COL4A2: variants seen among roughly 807,000 people sequenced by gnomAD.
COL4A2 encodes the protein collagen alpha-2(IV) chain.
In COL4A2, 99 loss-of-function variants were observed where a neutral mutation model predicts 200.2. The observed-to-expected ratio is 0.49, with a 90% CI of 0.42 to 0.58. The LOEUF (loss-of-function observed/expected upper bound fraction) is 0.58. COL4A2 is among the 20% of genes least tolerant of loss of function. COL4A2 has a pLI of 0.00. For synonymous variants in COL4A2, 897 were observed against 900.6 expected, an observed-to-expected ratio of 1.00 and a Z score of 0.07; for missense variants, 1,950 against 2,314.1, an observed-to-expected ratio of 0.84 and a Z score of 3.23.
At chr13:110,504,888 G>A (rs564077464) in intron 45 of COL4A2, among the ~76,000 whole-genome samples, 94 of 152,014 alleles carry the variant, frequency 6.2e-4, no homozygotes, top group African/African-American at 2.1e-3. Context: ...GATTACAGGT[G>A]TAAGTCACCG....
At chr13:110,367,559 T>G (rs1161787828) in intron 4 of COL4A2, among the ~76,000 whole-genome samples, 1 of 152,248 alleles carries the variant, frequency 6.6e-6, no homozygotes, top group African/African-American at 2.4e-5. Flanking sequence ...TGTAAAAGTC[T>G]TATGAAAATG....
intron 20 of COL4A2, among the ~76,000 whole-genome samples, chr13:110,455,138 G>T (rs7326335): frequency 0.22 from 33,783 of 152,000 alleles, 4,105 homozygotes; most frequent in Middle Eastern, 0.39. Flanking sequence ...TCCCTCTCCA[G>T]CCTGTCGTCC....
At position 110,489,790 on chromosome 13, in the gene COL4A2, G is replaced by A. The variant is rs373295648; in HGVS notation, c.3346+5G>A. ...GGGGCACCACTGGAATACCAGGTAC[G>A]CAAGTTATTTTCCTTGTCTTCATCT... On this transcript the variant is annotated splice_donor_5th_base_variant and intron_variant, in intron 36 of 47. Coordinates refer to ENST00000360467, the MANE Select transcript of COL4A2 (RefSeq NM_001846.4). 2.4e-5 allele frequency: 39 copies of A among 1,603,944 alleles called. No homozygotes were observed. The African/African-American group carries it at 3.9e-4, about 16-fold the overall frequency.
chr13:110,393,744 TGGCACACACC>T (rs1220959737), intron 4 of COL4A2, among the ~76,000 whole-genome samples: 1 of 152,056 alleles, frequency 6.6e-6, no homozygotes, highest in African/African-American at 2.4e-5. Context: ...ACGGGCGTGG[TGGCACACACC>T]TATAATCCCG....
chr13:110,484,910 C>A lies in COL4A2; in HGVS notation c.2908C>A (p.Arg970=), dbSNP rs758156725. ...AGCACTCTATTCCCTTCCAGGCAGC[C>A]GAGGGGACCCTGGGCCCCCAGGACC... ...LAGEPGFKGS[R]GDPGPPGPPP... The change falls in exon 33 of 48, where the codon CGA becomes AGA. Residue 970 remains arginine, a synonymous_variant. Coordinates refer to ENST00000360467, the MANE Select transcript of COL4A2 (RefSeq NM_001846.4). The A allele has an allele frequency of 6.2e-7, 1 of 1,610,134 alleles. No individual in the cohort carries two copies. The highest frequency in any genetic ancestry group is 8.5e-7 in the Non-Finnish European group (1 of 1,177,628).
At chr13:110,404,052 C>T (rs1379830048) in intron 4 of COL4A2, among the ~76,000 whole-genome samples, 2 of 152,124 alleles carry the variant, frequency 1.3e-5, no homozygotes, top group African/African-American at 4.8e-5. Context: ...GGCTGTACCC[C>T]CAGGACCTAC....
chr13:110,404,844 A>G (rs1359763309), intron 4 of COL4A2, among the ~76,000 whole-genome samples: 1 of 152,202 alleles, frequency 6.6e-6, no homozygotes, highest in Non-Finnish European at 1.5e-5. Context: ...TTCTAAAATG[A>G]GTTGGGGCTG....
At chr13:110,331,332 A>G (rs552073039) in intron 3 of COL4A2, among the ~76,000 whole-genome samples, 117 of 152,344 alleles carry the variant, frequency 7.7e-4, no homozygotes, top group African/African-American at 2.7e-3. Flanking sequence ...ATTTTTCTGC[A>G]GTAGTTTTCC....
chr13:110,392,740 C>G (rs1225173352), intron 4 of COL4A2, among the ~76,000 whole-genome samples: 2 of 152,200 alleles, frequency 1.3e-5, no homozygotes, highest in Non-Finnish European at 2.9e-5. Flanking sequence ...TTGGCCATTT[C>G]CTGCTCTGGA....
chr13:110,394,301 C>A (rs1285827362), intron 4 of COL4A2, among the ~76,000 whole-genome samples: 1 of 152,262 alleles, frequency 6.6e-6, no homozygotes, highest in East Asian at 1.9e-4. Context: ...TATTTTCCCC[C>A]TTTAACATGA....
At chr13:110,505,176 C>A (rs372285400) in intron 45 of COL4A2, among the ~76,000 whole-genome samples, 4 of 151,236 alleles carry the variant, frequency 2.6e-5, no homozygotes, top group Non-Finnish European at 4.4e-5. Flanking sequence ...CGGTGAAACC[C>A]CGTCTCTACT....
intron 40 of COL4A2, among the ~76,000 whole-genome samples, chr13:110,499,683 T>C (rs1158020171): frequency 6.6e-5 from 10 of 152,232 alleles, no homozygotes; most frequent in Admixed American, 5.9e-4. Flanking sequence ...AGTGAGACTC[T>C]TTTATGTCAG....
chr13:110,351,614 G>A (rs1226178846), intron 3 of COL4A2, among the ~76,000 whole-genome samples: 1 of 152,174 alleles, frequency 6.6e-6, no homozygotes, highest in African/African-American at 2.4e-5. Flanking sequence ...CAACACTAAA[G>A]ATGTCAAGAG....
At position 110,388,286 on chromosome 13, in the gene COL4A2, A is replaced by G. The variant is rs560470392; in HGVS notation, c.180+30734A>G. Among the ~76,000 whole-genome samples, 26 of 152,310 alleles carry G rather than the reference A, an allele frequency of 1.7e-4. No homozygotes were observed. The South Asian group carries it at 5.4e-3, about 32-fold the overall frequency. On this transcript the variant is annotated intron_variant, in intron 4 of 47. Transcript: ENST00000360467. ...CAGCCGCAGCCAGGCAGCTGCCGGC[A>G]CCTTGGGAGGCACTGGGAGCACGCT...
Position 110,511,962 on chromosome 13 carries a change from G to A in COL4A2, c.4910G>A (p.Gly1637Asp). ...MHTAAGDEGG[G>D]QSLVSPGSCL... ...ACGGCGGCGGGAGACGAAGGCGGTGGCCAATCACTGGTGTCACCGGGCAGC... is the reference window on the plus strand; with the variant it reads ...ACGGCGGCGGGAGACGAAGGCGGTGACCAATCACTGGTGTCACCGGGCAGC... The change falls in exon 48 of 48, where the codon GGC (glycine) becomes GAC (aspartate). Residue 1637 changes from glycine to aspartate, a missense_variant. Physicochemically the swap from Gly to Asp is moderately conservative, Grantham distance 94. This residue lies in a region of COL4A2 where 1,385 missense variants were observed against 1,720.5 expected (regional missense o/e 0.80). Coordinates refer to ENST00000360467, the MANE Select transcript of COL4A2 (RefSeq NM_001846.4). 1 of 1,613,528 alleles carries A rather than the reference G, an allele frequency of 6.2e-7. No homozygotes were observed. The highest frequency in any genetic ancestry group is 8.5e-7 in the Non-Finnish European group (1 of 1,180,038).
At chr13:110,354,873 G>A (rs1165253341) in intron 3 of COL4A2, among the ~76,000 whole-genome samples, 1 of 152,188 alleles carries the variant, frequency 6.6e-6, no homozygotes, top group African/African-American at 2.4e-5. Flanking sequence ...GGACTATCTG[G>A]AAGACCCTGC....
At chr13:110,341,721 T>C (rs1467186264) in intron 3 of COL4A2, among the ~76,000 whole-genome samples, 2 of 152,128 alleles carry the variant, frequency 1.3e-5, no homozygotes, top group Non-Finnish European at 2.9e-5. Context: ...CATCTGGAGG[T>C]GTTTCTGCTT....
chr13:110,430,801 G>T, intron 10 of COL4A2, 194 bp downstream of exon 10: 3 of 875,296 alleles, frequency 3.4e-6, no homozygotes, highest in Non-Finnish European at 3.8e-6. Flanking sequence ...AAGAATAAGG[G>T]CTTAAAATTA....
chr13:110,458,642 C>A (rs930243592), intron 21 of COL4A2, 129 bp from the exon 22 acceptor site: 13 of 1,057,990 alleles, frequency 1.2e-5, no homozygotes, highest in Non-Finnish European at 1.8e-5. Context: ...GTCATAGTGC[C>A]CATCAGAACA....
Sources: gnomAD v4.1 joint callset for allele counts (sites outside exome capture counted in the v4.1 genomes callset) on GRCh38, gnomAD v4.1.1 for gene constraint, gnomAD v4.1.1 regional missense constraint, MANE v1.5 for transcripts, NCBI Gene and HGNC (gene_info 2026-07-23, HGNC 2026-07-21) for gene names.